The following SNTB2 variants were observed in gnomAD, a reference collection of about 807,000 sequenced individuals.
SNTB2 encodes beta-2-syntrophin.
In SNTB2, 34 loss-of-function variants were observed where a neutral mutation model predicts 46.2. The ratio of observed to expected loss-of-function variants is 0.74; its 90% CI spans 0.56 to 0.98. The LOEUF (loss-of-function observed/expected upper bound fraction) is 0.98, where lower values mean the gene tolerates loss of function less well. Ranked by LOEUF, SNTB2 falls within the 50% of genes least tolerant of loss-of-function variation. The probability of loss-of-function intolerance (pLI) is 0.00; values close to 1 mark genes in which losing one functional copy is unlikely to be tolerated. For missense variants in SNTB2, 603 were observed against 731.4 expected (o/e 0.82, Z 2.02); for synonymous variants, 290 against 312.6 (o/e 0.93, Z 0.76).
intron 1 of SNTB2, among the ~76,000 whole-genome samples, chr16:69,235,036 T>C (rs1187337019): frequency 6.6e-6 from 1 of 152,074 alleles, no homozygotes; most frequent in Admixed American, 6.6e-5. Context: ...TATTTATTTT[T>C]TGAGACGGAG....
chr16:69,284,058 T>G lies in SNTB2; in HGVS notation c.1159T>G (p.Ser387Ala). ...YPLVATRLVH[S>A]GSGCRSPSLG... ...TGTTTGTGGTCCTAGGTTGGTTCAT[T>G]CTGGCTCCGGATGTCGATCCCCCTC... Residue 387 changes from serine to alanine, a missense_variant, in exon 5 of 7, where the codon TCT (serine) becomes GCT (alanine). Physicochemically the swap from Ser to Ala is moderately conservative, Grantham distance 99. Transcript: ENST00000336278. 1 of 1,611,856 alleles carries G rather than the reference T, an allele frequency of 6.2e-7. No individual in the cohort carries two copies. Among genetic ancestry groups the G allele is most frequent in the Non-Finnish European group, 8.5e-7 (1 of 1,178,662 alleles).
At chr16:69,249,510 G>A (rs574511527) in intron 2 of SNTB2, among the ~76,000 whole-genome samples, 6 of 152,288 alleles carry the variant, frequency 3.9e-5, no homozygotes, top group African/African-American at 1.4e-4. Flanking sequence ...CATTCACTAA[G>A]GATTGAAGTC....
chr16:69,281,507 T>G (rs1010873744), intron 4 of SNTB2, among the ~76,000 whole-genome samples: 20 of 148,492 alleles, frequency 1.3e-4, no homozygotes, highest in African/African-American at 2.0e-4. Context: ...TTGTTTTTTT[T>G]TTTTTACATA....
At chr16:69,271,936 G>A (rs1964941439) in intron 4 of SNTB2, among the ~76,000 whole-genome samples, 1 of 152,152 alleles carries the variant, frequency 6.6e-6, no homozygotes, top group Non-Finnish European at 1.5e-5. Flanking sequence ...ATGGAGATGG[G>A]GTGGTGTATG....
intron 5 of SNTB2, among the ~76,000 whole-genome samples, chr16:69,298,628 T>TATCCTGCC (rs1280523620): frequency 1.3e-5 from 2 of 150,982 alleles, no homozygotes; most frequent in African/African-American, 2.4e-5. Flanking sequence ...TGCAAGCAGT[T>TATCCTGCC]ATCCTGCCTC....
At chr16:69,253,190 C>T (rs1964742279) in intron 2 of SNTB2, among the ~76,000 whole-genome samples, 1 of 151,148 alleles carries the variant, frequency 6.6e-6, no homozygotes, top group East Asian at 2.0e-4. Flanking sequence ...TGAGCCACCA[C>T]ACCTGGCCCC....
intron 1 of SNTB2, among the ~76,000 whole-genome samples, chr16:69,204,932 G>A (rs1597171276): frequency 6.6e-6 from 1 of 152,298 alleles, no homozygotes; most frequent in African/African-American, 2.4e-5. Context: ...TAATGTTACT[G>A]CTGTGTGCAT....
chr16:69,202,637 A>T (rs910441705), intron 1 of SNTB2, among the ~76,000 whole-genome samples: 1 of 151,874 alleles, frequency 6.6e-6, no homozygotes, highest in African/African-American at 2.4e-5. Flanking sequence ...GTGCAGTGGC[A>T]TGATCTTGGT....
chr16:69,193,598 G>A (rs1567393402), intron 1 of SNTB2, among the ~76,000 whole-genome samples: 2 of 151,874 alleles, frequency 1.3e-5, no homozygotes, highest in Non-Finnish European at 2.9e-5. Flanking sequence ...CAAAGTGCTG[G>A]GATTACAGGT....
At chr16:69,281,019 G>C (rs987450621) in intron 4 of SNTB2, among the ~76,000 whole-genome samples, 7 of 152,008 alleles carry the variant, frequency 4.6e-5, no homozygotes, top group Admixed American at 2.0e-4. Flanking sequence ...GGATGGTCTC[G>C]ATCTCCTGAC....
chr16:69,196,248 AAAAAC>A (rs1323662356), intron 1 of SNTB2, among the ~76,000 whole-genome samples: 1 of 152,186 alleles, frequency 6.6e-6, no homozygotes, highest in Non-Finnish European at 1.5e-5. Flanking sequence ...CAAAAAGAGA[AAAAAC>A]AAAAGTGGCT....
At chr16:69,235,365 G>A (rs928835382) in intron 1 of SNTB2, among the ~76,000 whole-genome samples, 4 of 152,104 alleles carry the variant, frequency 2.6e-5, no homozygotes, top group Non-Finnish European at 5.9e-5. Context: ...TAAATGTTAA[G>A]GGGTTATCTC....
At chr16:69,193,453 C>T (rs932184232) in intron 1 of SNTB2, among the ~76,000 whole-genome samples, 3 of 151,244 alleles carry the variant, frequency 2.0e-5, no homozygotes, top group African/African-American at 7.3e-5. Flanking sequence ...CTCGGCCTCC[C>T]AAGTAGCTTG....
chr16:69,190,439 C>T (rs1964039063), intron 1 of SNTB2, among the ~76,000 whole-genome samples: 1 of 152,206 alleles, frequency 6.6e-6, no homozygotes, highest in African/African-American at 2.4e-5. Flanking sequence ...TAACTCTTAA[C>T]TCATGCCAGA....
chr16:69,284,152 G>A lies in SNTB2; in HGVS notation c.1253G>A (p.Arg418Lys). The A allele has an allele frequency of 1.2e-6, 2 of 1,614,010 alleles. No homozygotes were observed. Among genetic ancestry groups the A allele is most frequent in the Non-Finnish European group, 1.7e-6 (2 of 1,179,998 alleles). The change falls in exon 5 of 7, where the codon AGG becomes AAG. Residue 418 changes from arginine (R) to lysine (K), a missense_variant. Coordinates refer to ENST00000336278, the MANE Select transcript of SNTB2 (RefSeq NM_006750.4). ...SRQGIEMHLFRVETHRDLSSW... is the reference protein window; with the variant it reads ...SRQGIEMHLFKVETHRDLSSW... ...CAGGGCATTGAGATGCATCTCTTCA[G>A]GGTGGAGACACATCGGGATCTGTCA...
chr16:69,226,788 C>T (rs1384854373), intron 1 of SNTB2, among the ~76,000 whole-genome samples: 1 of 152,180 alleles, frequency 6.6e-6, no homozygotes, highest in African/African-American at 2.4e-5. Flanking sequence ...GCCTTGGCCT[C>T]ACAAAATGCT....
intron 1 of SNTB2, among the ~76,000 whole-genome samples, chr16:69,194,730 C>A (rs1964087048): frequency 6.6e-6 from 1 of 152,044 alleles, no homozygotes; most frequent in Non-Finnish European, 1.5e-5. Flanking sequence ...CAGACCTGTA[C>A]CCAGGGAATG....
chr16:69,227,639 T>C (rs1964471883), intron 1 of SNTB2, among the ~76,000 whole-genome samples: 1 of 152,224 alleles, frequency 6.6e-6, no homozygotes, highest in Non-Finnish European at 1.5e-5. Context: ...TTGACTTTTA[T>C]AGTGTCTTGA....
At chr16:69,197,072 G>A (rs916684980) in intron 1 of SNTB2, among the ~76,000 whole-genome samples, 1 of 150,904 alleles carries the variant, frequency 6.6e-6, no homozygotes, top group Non-Finnish European at 1.5e-5. Flanking sequence ...AACTCATATT[G>A]AATAACTACA....
Sources: allele counts gnomAD v4.1 joint callset (sites outside exome capture counted in the v4.1 genomes callset), GRCh38; gene constraint gnomAD v4.1.1; transcripts MANE v1.5; gene names NCBI Gene and HGNC (gene_info 2026-07-23, HGNC 2026-07-21).